ZNF804A: variants seen among roughly 807,000 people sequenced by gnomAD.
ZNF804A encodes zinc finger protein 804A.
In ZNF804A, 2 loss-of-function variants were observed where a neutral mutation model predicts 16.5. The observed-to-expected ratio is 0.12, with a 90% CI of 0.05 to 0.38. ZNF804A has a LOEUF of 0.38. Among genes scored for constraint, ZNF804A ranks in the 10% least tolerant of loss-of-function variants. The pLI is 0.99. For synonymous variants in ZNF804A, 534 were observed against 489.6 expected, an observed-to-expected ratio of 1.09 and a Z score of -1.20; for missense variants, 1,473 against 1,390.7, an observed-to-expected ratio of 1.06 and a Z score of -0.94.
chr2:184,879,042 G>T (rs1684764241), intron 2 of ZNF804A, among the ~76,000 whole-genome samples: 1 of 151,808 alleles, frequency 6.6e-6, no homozygotes, highest in Non-Finnish European at 1.5e-5. Flanking sequence ...CAATAACCTG[G>T]ATAACTTATG....
At chr2:184,652,221 A>G (rs1450799356) in intron 1 of ZNF804A, among the ~76,000 whole-genome samples, 3 of 152,126 alleles carry the variant, frequency 2.0e-5, no homozygotes, top group Admixed American at 2.0e-4. Context: ...TCACTTATAA[A>G]TTTGAGCTAA....
At chr2:184,669,062 G>C (rs895726939) in intron 1 of ZNF804A, among the ~76,000 whole-genome samples, 7 of 151,762 alleles carry the variant, frequency 4.6e-5, no homozygotes, top group Admixed American at 4.6e-4. Context: ...CATCCCTTTT[G>C]GTTGCAGAAA....
chr2:184,781,951 G>C (rs917863294), intron 1 of ZNF804A, among the ~76,000 whole-genome samples: 6 of 151,696 alleles, frequency 4.0e-5, no homozygotes, highest in African/African-American at 1.5e-4. Flanking sequence ...ATTCTTCTAA[G>C]GCCTCTCCCC....
At chr2:184,884,216 T>C (rs1684853270) in intron 2 of ZNF804A, among the ~76,000 whole-genome samples, 1 of 151,760 alleles carries the variant, frequency 6.6e-6, no homozygotes, top group Non-Finnish European at 1.5e-5. Context: ...CTACAAAAGG[T>C]ATAAAATACC....
At chr2:184,639,068 CTTTTTTTT>C (rs34389839) in intron 1 of ZNF804A, among the ~76,000 whole-genome samples, 2 of 107,412 alleles carry the variant, frequency 1.9e-5, no homozygotes, top group Non-Finnish European at 3.7e-5. Flanking sequence ...AAGCCCCCTC[CTTTTTTTT>C]TTTTTTTTTT....
At chr2:184,665,748 C>T (rs935821637) in intron 1 of ZNF804A, among the ~76,000 whole-genome samples, 1 of 152,222 alleles carries the variant, frequency 6.6e-6, no homozygotes, top group Non-Finnish European at 1.5e-5. Context: ...TTCTTGTTGA[C>T]AGGCCCCTGG....
chr2:184,702,515 A>T (rs1387753517), intron 1 of ZNF804A, among the ~76,000 whole-genome samples: 3 of 152,018 alleles, frequency 2.0e-5, no homozygotes, highest in Non-Finnish European at 4.4e-5. Context: ...TTTCTTCTCT[A>T]TTCCTAACTC....
chr2:184,889,786 A>G (rs1684953210), intron 2 of ZNF804A, among the ~76,000 whole-genome samples: 1 of 152,048 alleles, frequency 6.6e-6, no homozygotes, highest in South Asian at 2.1e-4. Context: ...ACCTAAACAT[A>G]CACCAGAAAT....
At chr2:184,642,540 G>C (rs1574143726) in intron 1 of ZNF804A, among the ~76,000 whole-genome samples, 1 of 152,068 alleles carries the variant, frequency 6.6e-6, no homozygotes, top group African/African-American at 2.4e-5. Flanking sequence ...GGATATAAGA[G>C]GAAAAAGAAC....
chr2:184,799,622 C>G (rs1412631039), intron 1 of ZNF804A, among the ~76,000 whole-genome samples: 2 of 152,134 alleles, frequency 1.3e-5, no homozygotes, highest in Non-Finnish European at 2.9e-5. Context: ...TCCCTAGGCT[C>G]AGATGATCCT....
At chr2:184,677,283 T>A (rs1191154373) in intron 1 of ZNF804A, among the ~76,000 whole-genome samples, 1 of 151,968 alleles carries the variant, frequency 6.6e-6, no homozygotes. Flanking sequence ...TTGATGTTGA[T>A]TGTCGTCATC....
At chr2:184,930,367 C>T (rs1685677068) in intron 2 of ZNF804A, among the ~76,000 whole-genome samples, 1 of 152,064 alleles carries the variant, frequency 6.6e-6, no homozygotes, top group South Asian at 2.1e-4. Flanking sequence ...AATATCTATA[C>T]AATTGAGACA....
chr2:184,818,345 G>A (rs911198982), intron 1 of ZNF804A, among the ~76,000 whole-genome samples: 14 of 151,938 alleles, frequency 9.2e-5, no homozygotes, highest in African/African-American at 3.1e-4. Context: ...ATCCTTTACA[G>A]ACAAACAAAT....
intron 2 of ZNF804A, among the ~76,000 whole-genome samples, chr2:184,904,657 T>A (rs142370786): frequency 1.3e-5 from 2 of 152,108 alleles, no homozygotes; most frequent in African/African-American, 4.8e-5. Flanking sequence ...AATTAAGTCC[T>A]TAGTTTATTT....
chr2:184,657,327 T>C (rs1004363387), intron 1 of ZNF804A, among the ~76,000 whole-genome samples: 1 of 152,152 alleles, frequency 6.6e-6, no homozygotes, highest in African/African-American at 2.4e-5. Context: ...ACTCAAGTGA[T>C]CCATTCTGTT....
chr2:184,868,542 C>T (rs377411932), intron 2 of ZNF804A, among the ~76,000 whole-genome samples: 1 of 151,910 alleles, frequency 6.6e-6, no homozygotes, highest in Admixed American at 6.6e-5. Flanking sequence ...AATGGCTGTA[C>T]TTGACACTTA....
intron 1 of ZNF804A, among the ~76,000 whole-genome samples, chr2:184,835,329 C>T (rs1006193702): frequency 6.6e-6 from 1 of 152,096 alleles, no homozygotes; most frequent in Non-Finnish European, 1.5e-5. Flanking sequence ...GGTAGCTATG[C>T]AGTCATATTT....
intron 1 of ZNF804A, among the ~76,000 whole-genome samples, chr2:184,861,372 T>C (rs937154843): frequency 1.3e-5 from 2 of 152,292 alleles, no homozygotes; most frequent in East Asian, 3.9e-4. Context: ...TTAGCTCTTA[T>C]GAAGGTATTT....
chr2:184,831,039 A>C (rs1695255351), intron 1 of ZNF804A, among the ~76,000 whole-genome samples: 1 of 152,136 alleles, frequency 6.6e-6, no homozygotes, highest in African/African-American at 2.4e-5. Context: ...TCCAGAATCT[A>C]CTGACAGAAA....
Sources: allele counts gnomAD v4.1 joint callset (sites outside exome capture counted in the v4.1 genomes callset), GRCh38; gene constraint gnomAD v4.1.1; transcripts MANE v1.5; gene names NCBI Gene and HGNC (gene_info 2026-07-23, HGNC 2026-07-21).